The following FANCC variants were observed in gnomAD, a reference collection of about 807,000 sequenced individuals.
FANCC encodes the protein Fanconi anemia group C protein.
In FANCC, 55 loss-of-function variants were observed where a neutral mutation model predicts 71.3. The ratio of observed to expected loss-of-function variants is 0.77; its 90% CI spans 0.62 to 0.97. The LOEUF is 0.97. Ranked by LOEUF, FANCC falls within the 50% of genes least tolerant of loss-of-function variation. FANCC has a pLI of 0.00. For synonymous variants in FANCC, 275 were observed against 244.9 expected, an observed-to-expected ratio of 1.12 and a Z score of -1.15; for missense variants, 678 against 670.9, an observed-to-expected ratio of 1.01 and a Z score of -0.12.
At chr9:95,126,475 T>C (rs1825991679) in intron 9 of FANCC, 54 bp downstream of exon 9, 8 of 1,531,620 alleles carry the variant, frequency 5.2e-6, no homozygotes, top group South Asian at 1.1e-5. Context: ...GATTCATGCT[T>C]GGAAATGGAA....
chr9:95,316,101 A>C (rs1381215732), intron 1 of FANCC, among the ~76,000 whole-genome samples: 1 of 152,248 alleles, frequency 6.6e-6, no homozygotes, highest in Non-Finnish European at 1.5e-5. Flanking sequence ...TGACCGAATA[A>C]AGCAAAAATA....
intron 4 of FANCC, among the ~76,000 whole-genome samples, chr9:95,192,731 G>C (rs1458086994): frequency 1.3e-5 from 2 of 152,164 alleles, no homozygotes; most frequent in Admixed American, 6.5e-5. Context: ...AGAGACTCTT[G>C]GATCTTGCAG....
chr9:95,267,867 A>G (rs940774646), intron 1 of FANCC, among the ~76,000 whole-genome samples: 1 of 152,248 alleles, frequency 6.6e-6, no homozygotes, highest in Non-Finnish European at 1.5e-5. Flanking sequence ...TACGGTCATT[A>G]AAACCTAAAA....
intron 4 of FANCC, among the ~76,000 whole-genome samples, chr9:95,204,467 C>A (rs1045958606): frequency 3.9e-5 from 6 of 152,308 alleles, no homozygotes; most frequent in African/African-American, 1.4e-4. Flanking sequence ...CAACATGAGT[C>A]TGAAATGAGG....
At chr9:95,110,900 G>T in intron 13 of FANCC, 1 of 1,284,548 alleles carries the variant, frequency 7.8e-7, no homozygotes, top group South Asian at 2.0e-5. Flanking sequence ...ATACTTAGCT[G>T]CTCTGTTATT....
chr9:95,144,381 T>A (rs1829220219), intron 7 of FANCC, among the ~76,000 whole-genome samples: 2 of 152,200 alleles, frequency 1.3e-5, no homozygotes, highest in Admixed American at 1.3e-4. Flanking sequence ...AAATAAATTT[T>A]ATGAGTTGTT....
At chr9:95,169,468 C>A in intron 6 of FANCC, among the ~76,000 whole-genome samples, 1 of 152,180 alleles carries the variant, frequency 6.6e-6, no homozygotes, top group East Asian at 1.9e-4. Flanking sequence ...CTCATCAGTG[C>A]TCCCGGTCAG....
At position 95,279,147 on chromosome 9, in the gene FANCC, G is replaced by A. The variant is rs185155233; in HGVS notation, c.-78-29778C>T. Among the ~76,000 whole-genome samples the A allele has an allele frequency of 4.0e-3, 608 of 151,938 alleles. 2 individuals are homozygous for A. Among genetic ancestry groups the A allele is most frequent in the Middle Eastern group, 0.01 (3 of 294 alleles). On this transcript the variant is annotated intron_variant, in intron 1 of 14. Coordinates refer to ENST00000289081, the MANE Select transcript of FANCC (RefSeq NM_000136.3). ...CCTGGCCAACATGGTGAAACCCCCCGTCTCTACTAAAAATACAAAAATTAG... is the reference window on the plus strand; with the variant it reads ...CCTGGCCAACATGGTGAAACCCCCCATCTCTACTAAAAATACAAAAATTAG...
At chr9:95,145,179 G>C (rs1047035318) in intron 7 of FANCC, 2 of 152,176 alleles carry the variant, frequency 1.3e-5, no homozygotes, top group African/African-American at 4.8e-5. Flanking sequence ...ACTCTGAACT[G>C]TAAGAACAAC....
At chr9:95,239,846 C>T (rs1830531617) in intron 4 of FANCC, among the ~76,000 whole-genome samples, 1 of 152,196 alleles carries the variant, frequency 6.6e-6, no homozygotes. Flanking sequence ...TAGACAAAAC[C>T]ATATGCACTA....
intron 1 of FANCC, chr9:95,292,883 T>C (rs1834137513): frequency 6.3e-7 from 1 of 1,585,000 alleles, no homozygotes. Context: ...TGAAAAGACT[T>C]GCAGAGGACT....
intron 10 of FANCC, among the ~76,000 whole-genome samples, chr9:95,117,837 CCT>C (rs1294331106): frequency 1.3e-5 from 2 of 151,972 alleles, no homozygotes; most frequent in South Asian, 2.1e-4. Context: ...GATTCTCCTC[CCT>C]GTCTCCCAAG....
intron 6 of FANCC, among the ~76,000 whole-genome samples, chr9:95,155,733 T>C (rs938436852): frequency 6.6e-6 from 1 of 152,098 alleles, no homozygotes; most frequent in African/African-American, 2.4e-5. Context: ...TTTCTTTCTT[T>C]TTGAGACAGG....
At chr9:95,169,096 G>A (rs1479933747) in intron 6 of FANCC, among the ~76,000 whole-genome samples, 3 of 152,154 alleles carry the variant, frequency 2.0e-5, no homozygotes, top group Admixed American at 1.3e-4. Context: ...CCACAGAGAA[G>A]TTGTAAAGTG....
At chr9:95,223,096 G>A (rs954776618) in intron 4 of FANCC, among the ~76,000 whole-genome samples, 3 of 152,110 alleles carry the variant, frequency 2.0e-5, no homozygotes, top group Non-Finnish European at 4.4e-5. Context: ...AGTAACCATG[G>A]TTAACATTTT....
chr9:95,311,639 T>C (rs1355788464), intron 1 of FANCC, among the ~76,000 whole-genome samples: 5 of 151,964 alleles, frequency 3.3e-5, no homozygotes, highest in Non-Finnish European at 5.9e-5. Context: ...GCCTCTCAAA[T>C]AGTTGGGACT....
intron 1 of FANCC, among the ~76,000 whole-genome samples, chr9:95,267,468 G>A (rs1045590303): frequency 6.6e-6 from 1 of 152,180 alleles, no homozygotes; most frequent in African/African-American, 2.4e-5. Flanking sequence ...AGTGTGCAGA[G>A]AGGGAGAAAG....
chr9:95,147,483 T>A (rs1174593848), intron 7 of FANCC, among the ~76,000 whole-genome samples: 1 of 152,064 alleles, frequency 6.6e-6, no homozygotes, highest in African/African-American at 2.4e-5. Context: ...ACCACTGTAC[T>A]CCAGCCTGGG....
intron 4 of FANCC, among the ~76,000 whole-genome samples, chr9:95,189,757 A>G (rs1200368913): frequency 6.6e-6 from 1 of 152,122 alleles, no homozygotes; most frequent in East Asian, 1.9e-4. Context: ...AAACACCCTC[A>G]TCTCCCTGGC....
Sources: gnomAD v4.1 joint callset for allele counts (sites outside exome capture counted in the v4.1 genomes callset) on GRCh38, gnomAD v4.1.1 for gene constraint, MANE v1.5 for transcripts, NCBI Gene and HGNC (gene_info 2026-07-23, HGNC 2026-07-21) for gene names.